The following HPRT1 variants were observed in gnomAD, a reference collection of about 807,000 sequenced individuals.
HPRT1 encodes the protein hypoxanthine-guanine phosphoribosyltransferase.
Under a neutral mutation model 19.0 loss-of-function variants are expected in HPRT1, and 4 were observed. The observed-to-expected ratio is 0.21, with a 90% confidence interval of 0.10 to 0.48. The LOEUF is 0.48. Among genes scored for constraint, HPRT1 ranks in the 20% least tolerant of loss-of-function variants. The probability of loss-of-function intolerance (pLI) is 0.98; values close to 1 mark genes in which losing one functional copy is unlikely to be tolerated. For synonymous variants in HPRT1, 53 were observed against 54.9 expected (o/e 0.97, Z 0.15); for missense variants, 65 against 164.0 (o/e 0.40, Z 3.30).
At chrX:134,497,762 C>A (rs1444714344) in intron 6 of HPRT1, among the ~76,000 whole-genome samples, 1 of 110,382 alleles carries the variant, frequency 9.1e-6, no homozygotes. Context: ...CTGGCTAACA[C>A]AGTAAAACCC....
At chrX:134,466,424 G>GA (rs1205574444) in intron 1 of HPRT1, among the ~76,000 whole-genome samples, 1,411 of 61,601 alleles carry the variant, frequency 0.023, 27 homozygotes, top group African/African-American at 0.067. Context: ...TCTCAAAAAA[G>GA]AAAAAAAAAA....
chrX:134,481,242 C>T (rs2124295309), intron 3 of HPRT1, among the ~76,000 whole-genome samples: 1 of 111,129 alleles, frequency 9.0e-6, no homozygotes, highest in African/African-American at 3.3e-5. Context: ...TACTTTGTAT[C>T]CTCTGAGCTA....
Position 134,460,336 on chromosome X carries a change from G to T in HPRT1, c.25G>T (p.Val9Leu). 1 of 1,123,172 alleles carries T rather than the reference G, an allele frequency of 8.9e-7. No homozygotes were observed. Among genetic ancestry groups the T allele is most frequent in the Admixed American group, 2.7e-5 (1 of 37,204 alleles). 92.6% of individuals were successfully genotyped at this position (1,123,172 alleles called of 1,213,427 possible). MATRSPGV[V>L]ISDDEPGYDL... ...TATGGCGACCCGCAGCCCTGGCGTC[G>T]TGGTGAGCAGCTCGGCCTGCCGGCC... is the stretch of plus-strand genomic sequence containing the variant. Residue 9 changes from valine (V) to leucine (L), a missense_variant and splice_region_variant, in exon 1 of 9, where the codon GTG (valine) becomes TTG (leucine). Physicochemically the swap from Val to Leu is conservative, Grantham distance 32. Around this residue, in one of 4 missense-constraint regions of HPRT1, gnomAD observed 23 missense variants for 29.3 expected, o/e 0.79. Transcript: ENST00000298556.
intron 4 of HPRT1, among the ~76,000 whole-genome samples, chrX:134,489,806 A>G (rs2077661973): frequency 9.0e-6 from 1 of 111,726 alleles, no homozygotes; most frequent in Non-Finnish European, 1.9e-5. Flanking sequence ...GAGTTATTGT[A>G]CAAATATAAT....
chrX:134,497,308 C>T (rs1253649587), intron 6 of HPRT1, among the ~76,000 whole-genome samples: 1 of 108,949 alleles, frequency 9.2e-6, no homozygotes, highest in Non-Finnish European at 1.9e-5. Flanking sequence ...CAGCCTGGGC[C>T]ACAGAGCGAG....
chrX:134,489,885 A>G (rs1184354207), intron 4 of HPRT1, among the ~76,000 whole-genome samples: 1 of 111,913 alleles, frequency 8.9e-6, no homozygotes. Context: ...CACATGGGAA[A>G]CTAAGGCCAG....
intron 2 of HPRT1, 121 bp from the exon 3 acceptor site, chrX:134,475,060 T>G (rs961644602): frequency 4.5e-5 from 23 of 507,076 alleles, no homozygotes; most frequent in Non-Finnish European, 6.8e-5. Context: ...TTTTTTTTTT[T>G]GCAGGCATGG....
intron 1 of HPRT1, among the ~76,000 whole-genome samples, chrX:134,467,384 A>G (rs2077599806): frequency 8.9e-6 from 1 of 112,200 alleles, no homozygotes. Context: ...ATTTATAATC[A>G]TTCTTTTACT....
intron 6 of HPRT1, among the ~76,000 whole-genome samples, chrX:134,496,158 G>A (rs1274173213): frequency 1.8e-5 from 2 of 111,609 alleles, no homozygotes; most frequent in African/African-American, 3.3e-5. Context: ...GGAATTGCCC[G>A]ACTATTTAAC....
intron 2 of HPRT1, among the ~76,000 whole-genome samples, chrX:134,473,889 G>T (rs1013383520): frequency 2.7e-5 from 3 of 111,543 alleles, no homozygotes; most frequent in Non-Finnish European, 5.6e-5. Context: ...TGTATGTCTG[G>T]CTATTCTGTG....
chrX:134,470,949 T>C (rs924026301), intron 1 of HPRT1, among the ~76,000 whole-genome samples: 2 of 108,717 alleles, frequency 1.8e-5, no homozygotes, highest in African/African-American at 3.3e-5. Flanking sequence ...TTAAAAAAAG[T>C]GTAGAAAGTG....
chrX:134,499,814 AC>A (rs1483531986), intron 8 of HPRT1, among the ~76,000 whole-genome samples: 3 of 111,325 alleles, frequency 2.7e-5, no homozygotes, highest in African/African-American at 9.8e-5. Flanking sequence ...AAAAAAAAAA[AC>A]AAAAACAAGA....
Position 134,474,234 on chromosome X carries a change from G to A in HPRT1, c.134+769G>A, listed in dbSNP as rs773440506. Among the ~76,000 whole-genome samples, 327 of 111,233 alleles carry A rather than the reference G, an allele frequency of 2.9e-3. 1 individual carries two copies. Among genetic ancestry groups the A allele is most frequent in the Non-Finnish European group, 5.3e-3 (282 of 53,123 alleles). ...TGATAGACACTATTTTGTTCTTACC[G>A]ACTGTACTAGAAGAAACATTCTTTT... On this transcript the variant is annotated intron_variant, in intron 2 of 8. Coordinates refer to ENST00000298556, the MANE Select transcript of HPRT1 (RefSeq NM_000194.3).
At chrX:134,461,843 C>T (rs1406944985) in intron 1 of HPRT1, among the ~76,000 whole-genome samples, 4 of 111,886 alleles carry the variant, frequency 3.6e-5, no homozygotes, top group Non-Finnish European at 7.5e-5. Context: ...CTCTCTCTCT[C>T]GAGTAATACC....
chrX:134,475,343 T>C lies in HPRT1; in HGVS notation c.297T>C (p.Phe99=). The C allele has an allele frequency of 8.5e-7, 1 of 1,172,501 alleles. No homozygotes were observed. The highest frequency in any genetic ancestry group is 1.2e-6 in the Non-Finnish European group (1 of 859,952). Residue 99 remains phenylalanine, a synonymous_variant, in exon 3 of 9, where the codon TTT becomes TTC. Transcript: ENST00000298556. The stretch of plus-strand genomic sequence containing the variant: ...GATCCATTCCTATGACTGTAGATTT[T>C]ATCAGACTGAAGAGCTATTGTGTGA... ...SDRSIPMTVD[F]IRLKSYCNDQ...
intron 6 of HPRT1, among the ~76,000 whole-genome samples, chrX:134,496,315 T>C (rs2077680265): frequency 8.9e-6 from 1 of 112,251 alleles, no homozygotes; most frequent in Non-Finnish European, 1.9e-5. Flanking sequence ...TGTGTTTCTC[T>C]GATGCTGATG....
chrX:134,492,782 C>A (rs181276307), intron 5 of HPRT1, among the ~76,000 whole-genome samples: 1 of 111,428 alleles, frequency 9.0e-6, no homozygotes, highest in African/African-American at 3.3e-5. Context: ...CACCAGGAGG[C>A]AGGAATTTTT....
Position 134,460,244 on chromosome X carries a change from C to T in HPRT1, c.-68C>T, listed in dbSNP as rs2077578915. 2 of 1,088,431 alleles carry T rather than the reference C, an allele frequency of 1.8e-6. No individual in the cohort carries two copies. Among genetic ancestry groups the T allele is most frequent in the South Asian group, 2.0e-5 (1 of 50,323 alleles). 89.7% of individuals were successfully genotyped at this position (1,088,431 alleles called of 1,213,427 possible). The stretch of plus-strand genomic sequence containing the variant: ...GCGCCGCCTCTTGCTGCGCCTCCGC[C>T]TCCTCCTCTGCTCCGCCACCGGCTT... On this transcript the variant is annotated 5_prime_UTR_variant, in exon 1 of 9. Transcript: ENST00000298556.
At chrX:134,473,986 CTCCTT>C (rs1331292556) in intron 2 of HPRT1, among the ~76,000 whole-genome samples, 6 of 112,302 alleles carry the variant, frequency 5.3e-5, no homozygotes, top group South Asian at 3.7e-4. Context: ...CTAAAGTTCT[CTCCTT>C]TCAGCCTTCT....
Sources: allele counts gnomAD v4.1 joint callset (sites outside exome capture counted in the v4.1 genomes callset), GRCh38; gene constraint gnomAD v4.1.1; regional missense constraint gnomAD v4.1.1; transcripts MANE v1.5; gene names NCBI Gene and HGNC (gene_info 2026-07-23, HGNC 2026-07-21).